KLHL12: variants seen among roughly 807,000 people sequenced by gnomAD.
The protein encoded by KLHL12 is kelch like family member 12.
A neutral mutation model predicts 60.8 loss-of-function variants in KLHL12; 17 were observed. The observed-to-expected ratio is 0.28, with a 90% CI of 0.19 to 0.42. KLHL12 has a LOEUF of 0.42. Among genes scored for constraint, KLHL12 ranks in the 10% least tolerant of loss-of-function variants. The pLI is 1.00. For synonymous variants in KLHL12, 220 were observed against 250.9 expected, an observed-to-expected ratio of 0.88 and a Z score of 1.16; for missense variants, 468 against 722.3, an observed-to-expected ratio of 0.65 and a Z score of 4.04.
chr1:202,891,141 T>C lies in KLHL12; in HGVS notation c.*1392A>G, dbSNP rs951280791. ...GGCATTTGAGACCGTTGATTTTTAATATTTTCTTAAAAAAATACAAAGGAA... is the reference window on the plus strand; with the variant it reads ...GGCATTTGAGACCGTTGATTTTTAACATTTTCTTAAAAAAATACAAAGGAA... On this transcript the variant is annotated 3_prime_UTR_variant, in exon 12 of 12. Transcript: ENST00000367261. 1 of 152,486 alleles carries C rather than the reference T, an allele frequency of 6.6e-6. No individual in the cohort carries two copies. Among genetic ancestry groups the C allele is most frequent in the Non-Finnish European group, 1.5e-5 (1 of 68,046 alleles). 9.4% of individuals were successfully genotyped at this position (152,486 alleles called of 1,614,324 possible). A position where few individuals can be genotyped will look rare whatever the true frequency, so the allele number is the denominator to read the frequency against.
In KLHL12 at chr1:202,894,769, T is replaced by C. The variant is rs757911716; in HGVS notation, c.1136-20A>G. 14 of 1,601,448 alleles carry C rather than the reference T, an allele frequency of 8.7e-6. No homozygotes were observed. The South Asian group carries it at 1.5e-4, about 18-fold the overall frequency. ...TCATATCTGCTCAGAATAAACAAATTACAGACTATTAGAGAATGAGAGATT... is the reference window on the plus strand; with the variant it reads ...TCATATCTGCTCAGAATAAACAAATCACAGACTATTAGAGAATGAGAGATT... On this transcript the variant is annotated intron_variant, in intron 8 of 11. Coordinates refer to ENST00000367261, the MANE Select transcript of KLHL12 (RefSeq NM_021633.4).
chr1:202,912,282 G>C (rs757529857), intron 4 of KLHL12: 8 of 915,142 alleles, frequency 8.7e-6, no homozygotes, highest in Non-Finnish European at 1.4e-5. Context: ...TGATGACCAT[G>C]ACTCTGTGAA....
At chr1:202,897,113 G>A (rs762880874) in intron 6 of KLHL12, among the ~76,000 whole-genome samples, 153 bp from the exon 7 acceptor site, 9 of 151,998 alleles carry the variant, frequency 5.9e-5, no homozygotes, top group Non-Finnish European at 8.8e-5. Flanking sequence ...TAAGGCTGTC[G>A]AATGGGGAGT....
chr1:202,894,380 A>G (rs1019412424), intron 9 of KLHL12, 98 bp from the exon 10 acceptor site: 2 of 929,718 alleles, frequency 2.2e-6, no homozygotes, highest in Admixed American at 2.3e-5. Flanking sequence ...TTTAGTTTCA[A>G]TTTTCCCACA....
intron 6 of KLHL12, among the ~76,000 whole-genome samples, chr1:202,897,466 C>T (rs1034357096): frequency 2.0e-5 from 3 of 151,822 alleles, no homozygotes; most frequent in Non-Finnish European, 2.9e-5. Context: ...TCAAGTGATC[C>T]GCCAGCCTCG....
intron 6 of KLHL12, among the ~76,000 whole-genome samples, chr1:202,904,886 G>T (rs995013398): frequency 7.2e-5 from 11 of 152,330 alleles, no homozygotes; most frequent in African/African-American, 2.6e-4. Context: ...TCTTCTTTGA[G>T]ACAGTAATGG....
At chr1:202,913,279 C>T (rs916557201) in intron 4 of KLHL12, among the ~76,000 whole-genome samples, 1 of 152,096 alleles carries the variant, frequency 6.6e-6, no homozygotes, top group African/African-American at 2.4e-5. Context: ...CTAGGACTTC[C>T]CAAAGACAGA....
chr1:202,914,118 G>C (rs1368288807), intron 4 of KLHL12, among the ~76,000 whole-genome samples: 2 of 152,220 alleles, frequency 1.3e-5, no homozygotes, highest in African/African-American at 2.4e-5. Context: ...GCCAGGTACA[G>C]AGAGCATTAG....
chr1:202,919,711 A>C lies in KLHL12; in HGVS notation c.349+44T>G, dbSNP rs200231184. On this transcript the variant is annotated intron_variant, in intron 3 of 11. Transcript: ENST00000367261. Reference sequence around the variant, plus strand: ...TACACTATTAATTTTCAACCTTTCCAGGGCTATTTTGACATAAACAATAGC... The same window carrying C: ...TACACTATTAATTTTCAACCTTTCCCGGGCTATTTTGACATAAACAATAGC... 2.7e-4 allele frequency: 424 copies of C among 1,553,096 alleles called. 2 individuals are homozygous for C. In the African/African-American group the frequency reaches 5.0e-3, roughly 18 times the overall value.
intron 4 of KLHL12, chr1:202,912,513 A>G (rs1660396069): frequency 2.1e-6 from 2 of 974,454 alleles, no homozygotes; most frequent in East Asian, 2.4e-5. Context: ...GGATTTGGTA[A>G]TGATGGAAGC....
intron 3 of KLHL12, among the ~76,000 whole-genome samples, chr1:202,919,139 C>T (rs1307986098): frequency 6.6e-6 from 1 of 152,056 alleles, no homozygotes; most frequent in Non-Finnish European, 1.5e-5. Flanking sequence ...ACCTGTGGTC[C>T]CAGCTACTCA....
At chr1:202,925,532 C>T (rs1400886886) in intron 1 of KLHL12, among the ~76,000 whole-genome samples, 1 of 151,936 alleles carries the variant, frequency 6.6e-6, no homozygotes, top group Non-Finnish European at 1.5e-5. Flanking sequence ...AATGATAAAC[C>T]GAAAATATAA....
chr1:202,928,340 C>G (rs891843804), upstream of KLHL12: 15 of 359,188 alleles, frequency 4.2e-5, no homozygotes, highest in Non-Finnish European at 7.7e-5. Flanking sequence ...TTGTGGGGTC[C>G]GGCAGGGAGC....
intron 4 of KLHL12, among the ~76,000 whole-genome samples, chr1:202,916,825 A>T (rs1475211844): frequency 6.6e-5 from 10 of 152,008 alleles, no homozygotes; most frequent in Admixed American, 5.9e-4. Flanking sequence ...CAAAAATTTT[A>T]AAAAATTAGC....
At chr1:202,918,427 G>A (rs1660588498) in intron 3 of KLHL12, 39 bp from the exon 4 acceptor site, 1 of 1,463,690 alleles carries the variant, frequency 6.8e-7, no homozygotes, top group Non-Finnish European at 9.6e-7. Flanking sequence ...TAGAATAGTT[G>A]GACAGGTGTG....
rs572762673 is a variant in KLHL12 at position 202,918,001 on chromosome 1, T to C, written c.567+170A>G. Reference sequence around the variant, plus strand: ...TATCTAATTGAAGAAAGTGGCAAACTCCCTCTCCATAAAAATGCAAATAAA... The same window carrying C: ...TATCTAATTGAAGAAAGTGGCAAACCCCCTCTCCATAAAAATGCAAATAAA... On this transcript the variant is annotated intron_variant, in intron 4 of 11. Transcript: ENST00000367261. Among the ~76,000 whole-genome samples the C allele has an allele frequency of 1.0e-3, 152 of 152,242 alleles. 3 individuals carry two copies. The South Asian group carries it at 0.031, about 31-fold the overall frequency.
At chr1:202,904,040 T>C (rs1051221642) in intron 6 of KLHL12, among the ~76,000 whole-genome samples, 3 of 149,898 alleles carry the variant, frequency 2.0e-5, no homozygotes, top group Admixed American at 2.0e-4. Flanking sequence ...ATCTATGAGA[T>C]GGAGTTTTGC....
At chr1:202,892,946 G>A (rs1659722326) in intron 11 of KLHL12, among the ~76,000 whole-genome samples, 1 of 152,156 alleles carries the variant, frequency 6.6e-6, no homozygotes, top group Admixed American at 6.5e-5. Flanking sequence ...GGAGACTGAG[G>A]TGGAAGGATT....
chr1:202,896,454 G>A (rs1478958181), intron 7 of KLHL12, among the ~76,000 whole-genome samples: 2 of 152,182 alleles, frequency 1.3e-5, no homozygotes, highest in African/African-American at 4.8e-5. Context: ...GCCTCCCAAA[G>A]GGCTGGGATT....
Sources: gnomAD v4.1 joint callset for allele counts (sites outside exome capture counted in the v4.1 genomes callset) on GRCh38, gnomAD v4.1.1 for gene constraint, MANE v1.5 for transcripts, NCBI Gene and HGNC (gene_info 2026-07-23, HGNC 2026-07-21) for gene names.